The following SCLT1 variants were observed in gnomAD, a reference collection of about 807,000 sequenced individuals.
SCLT1 encodes sodium channel and clathrin linker 1.
SCLT1 carries 78 observed loss-of-function variants against 112.8 expected under a neutral mutation model. The observed-to-expected ratio is 0.69, with a 90% CI of 0.58 to 0.83. The LOEUF (loss-of-function observed/expected upper bound fraction) is 0.83. Among genes scored for constraint, SCLT1 ranks in the 40% least tolerant of loss-of-function variants. The pLI is 0.00. For missense variants in SCLT1, 747 were observed against 770.4 expected, an observed-to-expected ratio of 0.97 and a Z score of 0.36; for synonymous variants, 257 against 254.7, an observed-to-expected ratio of 1.01 and a Z score of -0.09.
chr4:128,975,726 G>T (rs1741113796), intron 9 of SCLT1, among the ~76,000 whole-genome samples: 1 of 152,120 alleles, frequency 6.6e-6, no homozygotes. Flanking sequence ...GTATAATAAA[G>T]CCAATCATTT....
At chr4:128,984,682 C>A (rs771879793) in intron 9 of SCLT1, among the ~76,000 whole-genome samples, 49 of 152,178 alleles carry the variant, frequency 3.2e-4, no homozygotes, top group Non-Finnish European at 4.6e-4. Context: ...TCTAATTTAT[C>A]CTACATATGC....
chr4:128,893,151 A>T (rs1733459192), intron 18 of SCLT1, among the ~76,000 whole-genome samples: 1 of 151,752 alleles, frequency 6.6e-6, no homozygotes, highest in African/African-American at 2.4e-5. Flanking sequence ...TTTACACAAA[A>T]CCTTTTCAGG....
At chr4:128,883,394 C>T (rs978661630), downstream of SCLT1, among the ~76,000 whole-genome samples, 2 of 151,828 alleles carry the variant, frequency 1.3e-5, no homozygotes, top group Non-Finnish European at 2.9e-5. Context: ...TATCACACAC[C>T]CGGGCCTGTC....
At chr4:129,024,661 C>T (rs1408174611) in intron 5 of SCLT1, among the ~76,000 whole-genome samples, 14 of 152,212 alleles carry the variant, frequency 9.2e-5, no homozygotes, top group South Asian at 2.1e-4. Flanking sequence ...TCCAAAGGAA[C>T]GCAGTTCCTC....
At chr4:129,049,418 G>A (rs1196117258) in intron 2 of SCLT1, among the ~76,000 whole-genome samples, 1 of 141,382 alleles carries the variant, frequency 7.1e-6, no homozygotes, top group Non-Finnish European at 1.5e-5. Context: ...TCATAGATGG[G>A]AATTGAACAA....
chr4:128,877,048 C>T (rs1034793092), intron 3 of SCLT1, among the ~76,000 whole-genome samples: 4 of 152,306 alleles, frequency 2.6e-5, no homozygotes, highest in Admixed American at 1.3e-4. Context: ...ATTAATCTCT[C>T]CAGCATTTGG....
At chr4:129,035,976 A>C (rs1432199890) in intron 5 of SCLT1, among the ~76,000 whole-genome samples, 1 of 151,986 alleles carries the variant, frequency 6.6e-6, no homozygotes, top group Non-Finnish European at 1.5e-5. Flanking sequence ...AAATTCAGTA[A>C]TCTGAAATTG....
intron 5 of SCLT1, among the ~76,000 whole-genome samples, chr4:129,024,833 C>A (rs1411870008): frequency 6.6e-6 from 1 of 151,948 alleles, no homozygotes; most frequent in Non-Finnish European, 1.5e-5. Flanking sequence ...ACTAGAATAA[C>A]CAATACAGAG....
chr4:128,991,633 GA>G (rs1045343188), intron 9 of SCLT1, among the ~76,000 whole-genome samples: 2 of 151,554 alleles, frequency 1.3e-5, no homozygotes, highest in African/African-American at 4.8e-5. Context: ...TCGAGAGGAA[GA>G]AAAAGAACAA....
chr4:129,023,183 T>C (rs1177561466), intron 5 of SCLT1, among the ~76,000 whole-genome samples: 1 of 152,150 alleles, frequency 6.6e-6, no homozygotes, highest in Non-Finnish European at 1.5e-5. Flanking sequence ...TACCAGCCAC[T>C]GCAAAAACAC....
intron 5 of SCLT1, among the ~76,000 whole-genome samples, chr4:129,025,102 G>T (rs1445199059): frequency 6.6e-6 from 1 of 152,330 alleles, no homozygotes; most frequent in Admixed American, 6.5e-5. Flanking sequence ...CGGGGAGAAT[G>T]GAACCAAGTT....
intron 18 of SCLT1, among the ~76,000 whole-genome samples, chr4:128,919,499 C>T (rs1579376274): frequency 6.6e-6 from 1 of 151,606 alleles, no homozygotes; most frequent in South Asian, 2.1e-4. Flanking sequence ...TAACATCACA[C>T]CTAGAGGAAC....
chr4:129,043,567 T>C (rs1747902795), intron 3 of SCLT1, 100 bp from the exon 4 acceptor site: 1 of 594,554 alleles, frequency 1.7e-6, no homozygotes, highest in Non-Finnish European at 2.9e-6. Context: ...TATGTTTAGT[T>C]TACTCATGCA....
chr4:129,077,597 C>T (rs533473109), intron 2 of SCLT1, among the ~76,000 whole-genome samples: 1 of 152,162 alleles, frequency 6.6e-6, no homozygotes, highest in East Asian at 1.9e-4. Context: ...TGCCTACTGA[C>T]CAGAACTGTT....
intron 18 of SCLT1, among the ~76,000 whole-genome samples, chr4:128,906,550 T>C (rs1339257471): frequency 1.3e-5 from 2 of 152,194 alleles, no homozygotes; most frequent in African/African-American, 4.8e-5. Context: ...GGGAGATTAC[T>C]AATAGGAAAA....
intron 13 of SCLT1, among the ~76,000 whole-genome samples, chr4:128,953,950 G>A (rs114490031): frequency 0.012 from 1,752 of 152,000 alleles, 21 homozygotes; most frequent in Middle Eastern, 0.034. Context: ...CATTTAATAA[G>A]TAACATTTAA....
intron 9 of SCLT1, 93 bp downstream of exon 9, chr4:128,992,073 CA>C: frequency 4.1e-6 from 3 of 736,824 alleles, no homozygotes; most frequent in Non-Finnish European, 6.8e-6. Context: ...AAAAGGAAGG[CA>C]AAAAAACACC....
chr4:129,091,967 C>G (rs2125791003), intron 1 of SCLT1, among the ~76,000 whole-genome samples: 1 of 152,326 alleles, frequency 6.6e-6, no homozygotes, highest in East Asian at 1.9e-4. Context: ...CAAGCAAAAA[C>G]TAAGTTGCTC....
rs1413884581 is a variant in SCLT1, at chr4:128,923,918, C to T, written c.1829+12737G>A. 3.3e-5 allele frequency among the ~76,000 whole-genome samples: 5 copies of T among 151,994 alleles called. No homozygotes were observed. The South Asian group carries it at 6.2e-4, about 19-fold the overall frequency. ...CAAACTCCCAGGCTCAGGTGATCCT[C>T]CTACCTCAGCTTCCCAAGTATCTGG... On this transcript the variant is annotated intron_variant, in intron 18 of 20. Coordinates refer to ENST00000281142, the MANE Select transcript of SCLT1 (RefSeq NM_144643.4).
Sources: gnomAD v4.1 joint callset for allele counts (sites outside exome capture counted in the v4.1 genomes callset) on GRCh38, gnomAD v4.1.1 for gene constraint, MANE v1.5 for transcripts, NCBI Gene and HGNC (gene_info 2026-07-23, HGNC 2026-07-21) for gene names.